UBE4B: variants seen among roughly 807,000 people sequenced by gnomAD.
UBE4B encodes the protein ubiquitin conjugation factor E4 B.
In UBE4B, 27 loss-of-function variants were observed where a neutral mutation model predicts 148.1. That is an observed-to-expected ratio of 0.18 (90% CI 0.13 to 0.25). The LOEUF (loss-of-function observed/expected upper bound fraction) is 0.25, where lower values mean the gene tolerates loss of function less well. Ranked by LOEUF, UBE4B falls within the 10% of genes least tolerant of loss-of-function variation. The pLI is 1.00. For missense variants in UBE4B, 1,170 were observed against 1,662.4 expected, an observed-to-expected ratio of 0.70 and a Z score of 5.15; for synonymous variants, 596 against 619.3, an observed-to-expected ratio of 0.96 and a Z score of 0.56.
intron 1 of UBE4B, among the ~76,000 whole-genome samples, chr1:10,047,612 C>A (rs1361744113): frequency 6.6e-6 from 1 of 151,684 alleles, no homozygotes; most frequent in South Asian, 2.1e-4. Flanking sequence ...CCTGCCTCAG[C>A]CTCCCGAGTA....
At chr1:10,087,022 A>G (rs200024111) in intron 2 of UBE4B, among the ~76,000 whole-genome samples, 1 of 152,174 alleles carries the variant, frequency 6.6e-6, no homozygotes, top group East Asian at 1.9e-4. Context: ...ACAAGACCAG[A>G]GCAGATGTTG....
At chr1:10,158,245 G>C in intron 21 of UBE4B, 111 bp from the exon 22 acceptor site, 1 of 1,370,034 alleles carries the variant, frequency 7.3e-7, no homozygotes, top group African/African-American at 1.5e-5. Flanking sequence ...AATTTCACCA[G>C]CTCTCTGATT....
chr1:10,041,483 C>T (rs1028922726), intron 1 of UBE4B, among the ~76,000 whole-genome samples: 3 of 150,944 alleles, frequency 2.0e-5, no homozygotes, highest in South Asian at 2.1e-4. Flanking sequence ...TACAGGCTCC[C>T]GCCAGCATGC....
Position 10,158,448 on chromosome 1 carries a change from A to G in UBE4B, c.3019A>G (p.Ile1007Val), listed in dbSNP as rs1330254020. ...CATTTTTAAAAGCCTTTGGCAAAAC[A>G]TAGCTCACCATGGCACCTTTATGGA... ...STIFKSLWQN[I>V]AHHGTFMEEF... The change falls in exon 22 of 28, where the codon ATA becomes GTA. Residue 1007 changes from isoleucine to valine, a missense_variant. Ile to Val is a conservative substitution (Grantham distance 29). Around this residue, in one of 6 missense-constraint regions of UBE4B, gnomAD observed 348 missense variants for 627.2 expected, o/e 0.55. Coordinates refer to ENST00000343090, the MANE Select transcript of UBE4B (RefSeq NM_001105562.3). The G allele has an allele frequency of 3.7e-6, 6 of 1,614,222 alleles. No individual in the cohort carries two copies. The highest frequency in any genetic ancestry group is 5.1e-6 in the Non-Finnish European group (6 of 1,180,040).
intron 23 of UBE4B, among the ~76,000 whole-genome samples, chr1:10,164,572 A>C (rs1646218868): frequency 1.3e-5 from 2 of 152,354 alleles, no homozygotes; most frequent in Admixed American, 6.5e-5. Flanking sequence ...ATTCATAGTC[A>C]GTACTTAATA....
chr1:10,134,933 T>C, intron 15 of UBE4B, 55 bp from the exon 16 acceptor site: 1 of 1,542,180 alleles, frequency 6.5e-7, no homozygotes, highest in Non-Finnish European at 8.8e-7. Context: ...AGACCCCATC[T>C]CAAAAAAAAT....
rs1644322242 is a variant in UBE4B, at chr1:10,063,278, A to G, written c.25-8750A>G. Among the ~76,000 whole-genome samples the G allele has an allele frequency of 7.9e-5, 12 of 152,332 alleles. No individual in the cohort carries two copies. In the South Asian group the frequency reaches 2.5e-3, roughly 32 times the overall value. On this transcript the variant is annotated intron_variant, in intron 1 of 27. Transcript: ENST00000343090. The stretch of plus-strand genomic sequence containing the variant: ...GAGTGAGACCCTATCTCAAAAAAAC[A>G]AAAACAAAACAGATGTCGGCAACCT...
chr1:10,178,816 G>A lies in UBE4B; in HGVS notation c.3698G>A (p.Arg1233Lys). Residue 1233 changes from arginine to lysine, a missense_variant and splice_region_variant, in exon 26 of 28, where the codon AGA becomes AAA. This residue lies in a region of UBE4B where 348 missense variants were observed against 627.2 expected (regional missense o/e 0.55). Transcript: ENST00000343090. The part of the protein sequence containing the change: ...IDYSDAPDEF[R>K]DPLMDTLMTD... Reference sequence around the variant, plus strand: ...TACAGCGACGCTCCTGATGAGTTCAGAGGCAAGTGGACTCGTCGTTTTCAT... The same window carrying A: ...TACAGCGACGCTCCTGATGAGTTCAAAGGCAAGTGGACTCGTCGTTTTCAT... 11 of 1,586,686 alleles carry A rather than the reference G, an allele frequency of 6.9e-6. No individual in the cohort carries two copies. The highest frequency in any genetic ancestry group is 9.4e-6 in the Non-Finnish European group (11 of 1,169,486).
chr1:10,122,257 C>T (rs910179090), intron 10 of UBE4B, among the ~76,000 whole-genome samples, 181 bp downstream of exon 10: 3 of 152,102 alleles, frequency 2.0e-5, no homozygotes, highest in Admixed American at 6.6e-5. Context: ...AATCATGTGC[C>T]CATTTCAACG....
intron 22 of UBE4B, among the ~76,000 whole-genome samples, chr1:10,160,807 G>A (rs1208456116): frequency 6.6e-6 from 1 of 152,250 alleles, no homozygotes; most frequent in East Asian, 1.9e-4. Context: ...GCTGGGCGTG[G>A]TGGTGTGTGC....
At chr1:10,111,236 A>T (rs1467922336) in intron 7 of UBE4B, among the ~76,000 whole-genome samples, 1 of 151,898 alleles carries the variant, frequency 6.6e-6, no homozygotes, top group East Asian at 1.9e-4. Context: ...ACCACGCGCT[A>T]CACACACACC....
chr1:10,171,332 C>T lies in UBE4B; in HGVS notation c.3525+3C>T, dbSNP rs1237989988. 1 of 1,612,734 alleles carries T rather than the reference C, an allele frequency of 6.2e-7. No individual in the cohort carries two copies. Among genetic ancestry groups the T allele is most frequent in the South Asian group, 1.1e-5 (1 of 90,816 alleles). Reference sequence around the variant, plus strand: ...CGAAAGCCATTGCTGACGACCAGGTCAGTGAGTTGAGTTGGTCTCTCTGTG... The same window carrying T: ...CGAAAGCCATTGCTGACGACCAGGTTAGTGAGTTGAGTTGGTCTCTCTGTG... On this transcript the variant is annotated splice_donor_region_variant and intron_variant, in intron 25 of 27. Coordinates refer to ENST00000343090, the MANE Select transcript of UBE4B (RefSeq NM_001105562.3).
chr1:10,137,488 T>TA (rs1645709046), intron 17 of UBE4B, among the ~76,000 whole-genome samples: 1 of 152,188 alleles, frequency 6.6e-6, no homozygotes, highest in South Asian at 2.1e-4. Context: ...GGGCATACAT[T>TA]ACCAGGAGGC....
intron 17 of UBE4B, among the ~76,000 whole-genome samples, chr1:10,139,918 G>T (rs1397414016): frequency 6.6e-6 from 1 of 152,166 alleles, no homozygotes; most frequent in Non-Finnish European, 1.5e-5. Flanking sequence ...AGTAGAGACA[G>T]GGTTTCTCCA....
At chr1:10,167,150 T>C (rs1646263782) in intron 23 of UBE4B, among the ~76,000 whole-genome samples, 1 of 148,818 alleles carries the variant, frequency 6.7e-6, no homozygotes, top group South Asian at 2.1e-4. Flanking sequence ...ATAACAATAA[T>C]AATAGAGGGC....
At chr1:10,143,118 A>G (rs1052935165) in intron 17 of UBE4B, among the ~76,000 whole-genome samples, 10 of 151,808 alleles carry the variant, frequency 6.6e-5, no homozygotes, top group African/African-American at 2.4e-4. Flanking sequence ...AAAAGCAAAA[A>G]ACAAGGCTGG....
chr1:10,035,428 G>T (rs12564842), intron 1 of UBE4B, among the ~76,000 whole-genome samples: 9,222 of 109,462 alleles, frequency 0.084, 528 homozygotes, highest in African/African-American at 0.18. Flanking sequence ...GCGGAGTCTC[G>T]CTCTGTCGCC....
chr1:10,179,601 A>G (rs760001496), intron 27 of UBE4B, 39 bp downstream of exon 27: 1 of 1,605,018 alleles, frequency 6.2e-7, no homozygotes, highest in East Asian at 2.2e-5. Context: ...CGCTGGCGTC[A>G]GTACCAAGAG....
At chr1:10,045,063 A>G (rs935483460) in intron 1 of UBE4B, among the ~76,000 whole-genome samples, 1 of 152,144 alleles carries the variant, frequency 6.6e-6, no homozygotes, top group Non-Finnish European at 1.5e-5. Flanking sequence ...GGAGGGTGCA[A>G]TGTAGATCCC....
Sources: gnomAD v4.1 joint callset for allele counts (sites outside exome capture counted in the v4.1 genomes callset) on GRCh38, gnomAD v4.1.1 for gene constraint, gnomAD v4.1.1 regional missense constraint, MANE v1.5 for transcripts, NCBI Gene and HGNC (gene_info 2026-07-23, HGNC 2026-07-21) for gene names.